The following WDR70 variants were observed in gnomAD, a reference collection of about 807,000 sequenced individuals.
WDR70 encodes WD repeat domain 70.
WDR70 carries 53 observed loss-of-function variants against 88.6 expected under a neutral mutation model. That is an observed-to-expected ratio of 0.60 (90% CI 0.48 to 0.75). The LOEUF (loss-of-function observed/expected upper bound fraction) is 0.75, where lower values mean the gene tolerates loss of function less well. WDR70 is among the 30% of genes least tolerant of loss of function. The probability of loss-of-function intolerance (pLI) is 0.00; values close to 1 mark genes in which losing one functional copy is unlikely to be tolerated. For synonymous variants in WDR70, 280 were observed against 270.0 expected, an observed-to-expected ratio of 1.04 and a Z score of -0.36; for missense variants, 610 against 823.2, an observed-to-expected ratio of 0.74 and a Z score of 3.17.
intron 5 of WDR70, among the ~76,000 whole-genome samples, chr5:37,419,123 C>G (rs190736980): frequency 2.0e-5 from 3 of 152,148 alleles, no homozygotes; most frequent in Admixed American, 2.0e-4. Context: ...TTTCATTTCT[C>G]TTTTCCTATT....
At chr5:37,516,743 G>T (rs1740901809) in intron 9 of WDR70, among the ~76,000 whole-genome samples, 153 bp downstream of exon 9, 1 of 141,514 alleles carries the variant, frequency 7.1e-6, no homozygotes, top group Admixed American at 7.1e-5. Flanking sequence ...TTTTTTTAAG[G>T]GGGAGTCTTG....
chr5:37,499,128 T>G (rs1312321515), intron 8 of WDR70, among the ~76,000 whole-genome samples: 1 of 152,032 alleles, frequency 6.6e-6, no homozygotes, highest in Non-Finnish European at 1.5e-5. Context: ...CTTTTTTTTT[T>G]TTTGAGATGA....
chr5:37,606,913 C>T (rs940123287), intron 10 of WDR70, among the ~76,000 whole-genome samples: 1 of 73,310 alleles, frequency 1.4e-5, no homozygotes, highest in Non-Finnish European at 2.7e-5. Flanking sequence ...CTCCCCTCCC[C>T]TCCCCTCCCA....
intron 10 of WDR70, among the ~76,000 whole-genome samples, chr5:37,664,773 T>C (rs946508946): frequency 1.3e-5 from 2 of 152,266 alleles, no homozygotes; most frequent in African/African-American, 4.8e-5. Context: ...GCCTTGCACA[T>C]AACAAGGGCT....
At chr5:37,459,320 A>C (rs951655630) in intron 7 of WDR70, among the ~76,000 whole-genome samples, 5 of 146,126 alleles carry the variant, frequency 3.4e-5, no homozygotes, top group African/African-American at 9.9e-5. Flanking sequence ...TGGGGTGGAG[A>C]GTTCTGTAGA....
intron 10 of WDR70, among the ~76,000 whole-genome samples, chr5:37,671,724 A>G (rs1181571601): frequency 6.6e-6 from 1 of 152,194 alleles, no homozygotes; most frequent in Non-Finnish European, 1.5e-5. Flanking sequence ...ATAGGCAGAC[A>G]TTGGTATCTA....
Position 37,717,559 on chromosome 5 carries a change from T to C in WDR70, c.1417-3556T>C, listed in dbSNP as rs752844715. ...GATGAAGAAAGTTTGGGGTGGTTGG[T>C]TGATCGAGGGATTGTACTCTTTCTA... On this transcript the variant is annotated intron_variant, in intron 13 of 17. Transcript: ENST00000265107. 1.2e-3 allele frequency among the ~76,000 whole-genome samples: 189 copies of C among 152,210 alleles called. 1 individual carries two copies. The highest frequency in any genetic ancestry group is 2.4e-3 in the Non-Finnish European group (165 of 68,032).
chr5:37,529,073 T>C (rs1174439346), intron 9 of WDR70, among the ~76,000 whole-genome samples: 1 of 152,144 alleles, frequency 6.6e-6, no homozygotes, highest in East Asian at 1.9e-4. Context: ...ATTTATTGAA[T>C]AGAGTGTCTT....
At chr5:37,733,495 C>T (rs1362476712) in intron 17 of WDR70, among the ~76,000 whole-genome samples, 2 of 152,056 alleles carry the variant, frequency 1.3e-5, no homozygotes, top group Admixed American at 6.6e-5. Flanking sequence ...TAATTTTCCT[C>T]ATTAAATTGA....
chr5:37,392,177 GTTT>G (rs11335326), intron 4 of WDR70, 57 bp downstream of exon 4: 201 of 1,310,006 alleles, frequency 1.5e-4, no homozygotes, highest in African/African-American at 9.9e-4. Flanking sequence ...TGTTTATAGA[GTTT>G]TTTTTTTTTT....
intron 9 of WDR70, among the ~76,000 whole-genome samples, chr5:37,578,075 A>T (rs1743110644): frequency 6.6e-6 from 1 of 152,198 alleles, no homozygotes. Flanking sequence ...GATGTGCATA[A>T]CTGTTGTATT....
chr5:37,509,131 C>G (rs13175953), intron 8 of WDR70, among the ~76,000 whole-genome samples: 39,697 of 151,810 alleles, frequency 0.26, 5,787 homozygotes, highest in East Asian at 0.48. Flanking sequence ...TTTTCTTGTT[C>G]TGGCTAAAAG....
chr5:37,455,951 A>G (rs1738824699), intron 7 of WDR70, among the ~76,000 whole-genome samples: 1 of 152,044 alleles, frequency 6.6e-6, no homozygotes, highest in Non-Finnish European at 1.5e-5. Context: ...ATAGCTGTGT[A>G]GTACTCTTTT....
intron 5 of WDR70, among the ~76,000 whole-genome samples, chr5:37,399,855 A>G (rs762367621): frequency 6.6e-6 from 1 of 152,146 alleles, no homozygotes; most frequent in East Asian, 1.9e-4. Flanking sequence ...GTGTTTGTGC[A>G]TGTGTGTGGT....
intron 8 of WDR70, among the ~76,000 whole-genome samples, chr5:37,486,923 A>G (rs1370176681): frequency 6.6e-6 from 1 of 151,844 alleles, no homozygotes; most frequent in Non-Finnish European, 1.5e-5. Context: ...TTGTCTGTTC[A>G]CTCTGTTGAG....
rs540141125 is a variant in WDR70 at position 37,664,881 on chromosome 5, G to A, written c.1093-32774G>A. ...CTTTTAAATTTAGATAATAAGTTTT[G>A]GATTGGATGTGTTTAGTATCACTGA... On this transcript the variant is annotated intron_variant, in intron 10 of 17. Transcript: ENST00000265107. 1.8e-4 allele frequency among the ~76,000 whole-genome samples: 27 copies of A among 152,278 alleles called. No homozygotes were observed. In the South Asian group the frequency reaches 5.6e-3, roughly 32 times the overall value.
At chr5:37,399,325 G>A (rs946695740) in intron 5 of WDR70, among the ~76,000 whole-genome samples, 1 of 152,124 alleles carries the variant, frequency 6.6e-6, no homozygotes, top group African/African-American at 2.4e-5. Flanking sequence ...GGAGGCTGAG[G>A]CAGGGGAATT....
intron 5 of WDR70, among the ~76,000 whole-genome samples, chr5:37,399,772 A>C (rs1441826921): frequency 2.0e-5 from 3 of 152,130 alleles, no homozygotes; most frequent in African/African-American, 7.2e-5. Context: ...TGGAGATAGG[A>C]AATTACCCTT....
chr5:37,752,681 G>A lies in WDR70; in HGVS notation c.*108G>A, dbSNP rs182878510. The A allele has an allele frequency of 4.7e-6, 4 of 858,706 alleles. No homozygotes were observed. In the Admixed American group the frequency reaches 1.2e-4, roughly 25 times the overall value. 53.2% of individuals were successfully genotyped at this position (858,706 alleles called of 1,614,324 possible). A position where few individuals can be genotyped will look rare whatever the true frequency, so the allele number is the denominator to read the frequency against. ...AAATTCATTTTTATGAACAGGTTTT[G>A]TCCTTTGCATTATTGAACTGGTCAA... On this transcript the variant is annotated 3_prime_UTR_variant, in exon 18 of 18. Coordinates refer to ENST00000265107, the MANE Select transcript of WDR70 (RefSeq NM_018034.4).
Sources: allele counts gnomAD v4.1 joint callset (sites outside exome capture counted in the v4.1 genomes callset), GRCh38; gene constraint gnomAD v4.1.1; transcripts MANE v1.5; gene names NCBI Gene and HGNC (gene_info 2026-07-23, HGNC 2026-07-21).